The following ASPRV1 variants were observed in gnomAD, a reference collection of about 807,000 sequenced individuals.
The protein encoded by ASPRV1 is retroviral-like aspartic protease 1.
Under a neutral mutation model 11.0 loss-of-function variants are expected in ASPRV1, and 7 were observed. That is an observed-to-expected ratio of 0.64 (90% confidence interval 0.36 to 1.20). The LOEUF (loss-of-function observed/expected upper bound fraction) is 1.20. Among genes scored for constraint, ASPRV1 ranks in the 50% most tolerant of loss-of-function variants. The pLI, the probability that ASPRV1 is intolerant of heterozygous loss-of-function variation, is 0.02. For synonymous variants in ASPRV1, 136 were observed against 138.4 expected (o/e 0.98, Z 0.12); for missense variants, 299 against 320.0 (o/e 0.93, Z 0.50).
At chr2:70,083,955 G>A in the ASPRV1 span, among the ~76,000 whole-genome samples, 1 of 152,156 alleles carries the variant, frequency 6.6e-6, no homozygotes, top group Admixed American at 6.5e-5. Flanking sequence ...TGACCTCTTT[G>A]CCAGACCACA....
chr2:70,001,294 C>T, the ASPRV1 span, among the ~76,000 whole-genome samples: 10 of 151,994 alleles, frequency 6.6e-5, no homozygotes, highest in Non-Finnish European at 1.5e-4. Context: ...TTTGGGAGGC[C>T]GAGGAGGATG....
chr2:69,984,387 A>T, the ASPRV1 span, among the ~76,000 whole-genome samples: 1 of 152,146 alleles, frequency 6.6e-6, no homozygotes, highest in Non-Finnish European at 1.5e-5. Flanking sequence ...ATTAAATCCA[A>T]ACTGATACCT....
the ASPRV1 span, among the ~76,000 whole-genome samples, chr2:69,947,500 C>T: frequency 1.3e-5 from 2 of 152,120 alleles, no homozygotes; most frequent in Non-Finnish European, 2.9e-5. Flanking sequence ...CTGTAATGTG[C>T]ATGTTTGTGA....
chr2:69,936,738 T>C, the ASPRV1 span, among the ~76,000 whole-genome samples: 1 of 152,226 alleles, frequency 6.6e-6, no homozygotes, highest in Non-Finnish European at 1.5e-5. Context: ...GGGACTATTA[T>C]TTCCTGCTAA....
At chr2:70,059,160 G>A in the ASPRV1 span, among the ~76,000 whole-genome samples, 2 of 151,532 alleles carry the variant, frequency 1.3e-5, no homozygotes, top group Non-Finnish European at 2.9e-5. Flanking sequence ...CAAAGTGCTG[G>A]GATTACAGGC....
chr2:69,988,724 C>G, the ASPRV1 span: 1 of 451,984 alleles, frequency 2.2e-6, no homozygotes, highest in Non-Finnish European at 4.4e-6. Flanking sequence ...AAACAAAAAC[C>G]TTCCCCATGG....
the ASPRV1 span, among the ~76,000 whole-genome samples, chr2:70,040,807 C>T: frequency 6.6e-6 from 1 of 152,172 alleles, no homozygotes; most frequent in Non-Finnish European, 1.5e-5. Context: ...GTATTCCAGC[C>T]TGGGTGACAG....
At position 69,960,684 on chromosome 2, in the gene ASPRV1, T is replaced by A. The variant is rs781258159; in HGVS notation, c.753A>T (p.Glu251Asp). ...AGTGGGATAGCTCCTGCCGCCCTTC[T>A]TCTGAGGAGGGGTCCTCCTCTATGA... Reference protein sequence around the residue: ...LELIEEDPSSEEGRQELSH With the variant: ...LELIEEDPSSDEGRQELSH Residue 251 changes from glutamate (E) to aspartate (D), a missense_variant, in exon 1 of 1, where the codon GAA becomes GAT. Transcript: ENST00000320256. 13 of 1,613,468 alleles carry A rather than the reference T, an allele frequency of 8.1e-6. 1 individual carries two copies. The highest frequency in any genetic ancestry group is 1.1e-5 in the Non-Finnish European group (13 of 1,179,730).
chr2:70,025,640 C>A, the ASPRV1 span, among the ~76,000 whole-genome samples: 1 of 152,016 alleles, frequency 6.6e-6, no homozygotes, highest in Non-Finnish European at 1.5e-5. Flanking sequence ...CCTTAGCAGC[C>A]CCTCAGGCAG....
At position 69,961,058 on chromosome 2, in the gene ASPRV1, C is replaced by A. The variant is rs1469631488; in HGVS notation, c.379G>T (p.Val127Leu). The change falls in exon 1 of 1, where the codon GTG (valine) becomes TTG (leucine). Residue 127 changes from valine (V) to leucine (L), a missense_variant. Coordinates refer to ENST00000320256, the MANE Select transcript of ASPRV1 (RefSeq NM_152792.4). ...KIGKVPVRFL[V>L]DSGAQVSVVH... ...ACAGAGACCTGGGCCCCAGAGTCCA[C>A]CAGGAACCTCACGGGCACTTTGCCA... 19 of 1,613,792 alleles carry A rather than the reference C, an allele frequency of 1.2e-5. No homozygotes were observed. The highest frequency in any genetic ancestry group is 1.5e-5 in the Non-Finnish European group (18 of 1,179,934).
At chr2:69,938,520 T>C in the ASPRV1 span, 2 of 476,732 alleles carry the variant, frequency 4.2e-6, no homozygotes, top group Non-Finnish European at 7.5e-6. Flanking sequence ...TACATTCCAA[T>C]CAATTTGAAG....
chr2:70,007,779 G>A, the ASPRV1 span, among the ~76,000 whole-genome samples: 212 of 152,030 alleles, frequency 1.4e-3, 1 homozygote, highest in Non-Finnish European at 2.6e-3. Flanking sequence ...GGAGGACCAG[G>A]GAACTTTTGC....
At chr2:69,994,988 C>T in the ASPRV1 span, among the ~76,000 whole-genome samples, 114 of 151,270 alleles carry the variant, frequency 7.5e-4, no homozygotes, top group Non-Finnish European at 1.2e-3. Context: ...GGTGACAGAG[C>T]GAGACTCCGT....
chr2:69,974,682 G>A, the ASPRV1 span, among the ~76,000 whole-genome samples: 1 of 152,224 alleles, frequency 6.6e-6, no homozygotes, highest in Non-Finnish European at 1.5e-5. Flanking sequence ...TCCTCTGTGG[G>A]CTGCCATGTT....
At chr2:70,039,071 C>A in the ASPRV1 span, among the ~76,000 whole-genome samples, 2 of 147,754 alleles carry the variant, frequency 1.4e-5, no homozygotes, top group Non-Finnish European at 3.0e-5. Context: ...GAAAGCAAAA[C>A]TCCATCTCAA....
chr2:70,067,082 A>G, the ASPRV1 span, among the ~76,000 whole-genome samples: 1 of 152,246 alleles, frequency 6.6e-6, no homozygotes, highest in South Asian at 2.1e-4. Context: ...ATATATATTA[A>G]TTCACTTAAT....
the ASPRV1 span, among the ~76,000 whole-genome samples, chr2:70,017,290 C>T: frequency 9.2e-5 from 14 of 152,220 alleles, no homozygotes; most frequent in African/African-American, 1.9e-4. Flanking sequence ...CACGCCCAAC[C>T]TGATCATCTC....
At chr2:69,943,673 T>G in the ASPRV1 span, among the ~76,000 whole-genome samples, 2 of 152,178 alleles carry the variant, frequency 1.3e-5, no homozygotes, top group African/African-American at 4.8e-5. Context: ...CTTGAGTACC[T>G]GCTCCATATC....
At chr2:70,039,092 AAAAC>A in the ASPRV1 span, among the ~76,000 whole-genome samples, 1 of 152,100 alleles carries the variant, frequency 6.6e-6, no homozygotes, top group Non-Finnish European at 1.5e-5. Context: ...AAAAAAAAAA[AAAAC>A]AAAGCCAACA....
Sources: gnomAD v4.1 joint callset for allele counts (sites outside exome capture counted in the v4.1 genomes callset) on GRCh38, gnomAD v4.1.1 for gene constraint, MANE v1.5 for transcripts, NCBI Gene and HGNC (gene_info 2026-07-23, HGNC 2026-07-21) for gene names.